MYLK4: variants seen among roughly 807,000 people sequenced by gnomAD.
MYLK4 encodes caMLCK like.
A neutral mutation model predicts 48.1 loss-of-function variants in MYLK4; 46 were observed. The ratio of observed to expected loss-of-function variants is 0.96; its 90% confidence interval spans 0.75 to 1.22. The LOEUF (loss-of-function observed/expected upper bound fraction) is 1.22, where lower values mean the gene tolerates loss of function less well. Among genes scored for constraint, MYLK4 ranks in the 50% most tolerant of loss-of-function variants. The pLI is 0.00. For missense variants in MYLK4, 451 were observed against 486.1 expected (o/e 0.93, Z 0.68); for synonymous variants, 170 against 180.8 (o/e 0.94, Z 0.48).
chr6:2,705,547 AAATAAG>A (rs1309706175), intron 2 of MYLK4, among the ~76,000 whole-genome samples: 1 of 152,196 alleles, frequency 6.6e-6, no homozygotes, highest in Non-Finnish European at 1.5e-5. Flanking sequence ...TTGCTGATTC[AAATAAG>A]AATAACAATC....
At chr6:2,671,381 A>G (rs763397094) in intron 11 of MYLK4, 33 bp from the exon 12 acceptor site, 1 of 1,602,294 alleles carries the variant, frequency 6.2e-7, no homozygotes, top group Admixed American at 1.7e-5. Context: ...GGGAAGGATT[A>G]GGACTGTTTC....
At chr6:2,741,411 G>T (rs896225481) in intron 2 of MYLK4, among the ~76,000 whole-genome samples, 1 of 152,108 alleles carries the variant, frequency 6.6e-6, no homozygotes, top group Non-Finnish European at 1.5e-5. Flanking sequence ...AACAGAAATG[G>T]CATAAAACTA....
chr6:2,690,411 G>A (rs1204289811), intron 3 of MYLK4, among the ~76,000 whole-genome samples: 2 of 152,170 alleles, frequency 1.3e-5, no homozygotes, highest in Admixed American at 6.5e-5. Context: ...AGGGATTCGT[G>A]GGGGTAGAAA....
At chr6:2,769,014 C>T in the MYLK4 span, 1 of 806,036 alleles carries the variant, frequency 1.2e-6, no homozygotes, top group Non-Finnish European at 1.8e-6. Flanking sequence ...AACCCATCTC[C>T]TTCAAGCCTA....
At chr6:2,688,810 C>G (rs1319989062) in intron 4 of MYLK4, 41 bp downstream of exon 4, 1 of 1,532,118 alleles carries the variant, frequency 6.5e-7, no homozygotes, top group South Asian at 1.1e-5. Context: ...TGCACGCTCT[C>G]TTCTTTTGTT....
intron 2 of MYLK4, among the ~76,000 whole-genome samples, chr6:2,717,257 C>G (rs1017856183): frequency 6.6e-5 from 10 of 152,240 alleles, no homozygotes; most frequent in African/African-American, 2.4e-4. Flanking sequence ...TTCAGACTCA[C>G]TTGTTAAATT....
chr6:2,768,921 A>G, the MYLK4 span: 5 of 1,562,568 alleles, frequency 3.2e-6, no homozygotes, highest in Non-Finnish European at 4.3e-6. Context: ...CGTTGTGAAC[A>G]TCAAACAATA....
chr6:2,696,586 C>T lies in MYLK4; in HGVS notation c.160-3727G>A, dbSNP rs544317832. Among the ~76,000 whole-genome samples, 17 of 152,310 alleles carry T rather than the reference C, an allele frequency of 1.1e-4. No homozygotes were observed. In the Middle Eastern group the frequency reaches 0.014, roughly 122 times the overall value. ...CAGCCTGATTTGGGACTTCTCAGCCCCCAGAACTGTGAGAAATAAATGTTT... is the reference window on the plus strand; with the variant it reads ...CAGCCTGATTTGGGACTTCTCAGCCTCCAGAACTGTGAGAAATAAATGTTT... On this transcript the variant is annotated intron_variant, in intron 2 of 12. Coordinates refer to ENST00000274643, the MANE Select transcript of MYLK4 (RefSeq NM_001012418.5).
Position 2,685,839 on chromosome 6 carries a change from G to A in MYLK4, c.342-263C>T, listed in dbSNP as rs1159313422. Among the ~76,000 whole-genome samples the A allele has an allele frequency of 6.6e-6, 1 of 152,258 alleles. No individual in the cohort carries two copies. Among genetic ancestry groups the A allele is most frequent in the African/African-American group, 2.4e-5 (1 of 41,548 alleles). ...TAATCCCAGCACTTTGGGAGGCCGA[G>A]GCGGGAGGATCACGAGGTCAGGACC... On this transcript the variant is annotated intron_variant, in intron 4 of 12. Transcript: ENST00000274643. The surrounding 1 kb of genome is among the most constrained non-coding windows in gnomAD (Gnocchi z 4.5).
At chr6:2,764,116 T>G in the MYLK4 span, among the ~76,000 whole-genome samples, 1 of 150,666 alleles carries the variant, frequency 6.6e-6, no homozygotes, top group Non-Finnish European at 1.5e-5. Context: ...TGGACAAGAG[T>G]GAAACTGCGT....
rs1253107065 is a variant in MYLK4 at position 2,665,718 on chromosome 6, C to G, written c.*2207G>C. ...TGCTTGATTTGGTAGAGAATGCACA[C>G]CACAGGACAGAAAACGCCCTGCCAC... On this transcript the variant is annotated 3_prime_UTR_variant, in exon 13 of 13. Transcript: ENST00000274643. 1.3e-5 allele frequency: 2 copies of G among 152,182 alleles called. No individual in the cohort carries two copies. The highest frequency in any genetic ancestry group is 2.4e-5 in the African/African-American group (1 of 41,442). 9.4% of individuals were successfully genotyped at this position (152,182 alleles called of 1,614,324 possible).
In MYLK4 at chr6:2,679,265, A is replaced by C. The variant is rs1357881102; in HGVS notation, c.887+15T>G. The C allele has an allele frequency of 1.9e-6, 3 of 1,614,056 alleles. No homozygotes were observed. The highest frequency in any genetic ancestry group is 3.3e-5 in the Admixed American group (2 of 59,988). On this transcript the variant is annotated intron_variant, in intron 9 of 12. Transcript: ENST00000274643. Reference sequence around the variant, plus strand: ...GGAGTTGGAGAAGGGTCAGAGACAGAGGAGAGCTACTCACAGCATATAGGC... The same window carrying C: ...GGAGTTGGAGAAGGGTCAGAGACAGCGGAGAGCTACTCACAGCATATAGGC...
At chr6:2,760,704 A>G in the MYLK4 span, among the ~76,000 whole-genome samples, 1 of 152,224 alleles carries the variant, frequency 6.6e-6, no homozygotes, top group East Asian at 1.9e-4. Flanking sequence ...GAGTTCACAA[A>G]AAGGCCAAGT....
rs143203772 is a variant in MYLK4 at position 2,736,615 on chromosome 6, G to A, written c.159+12521C>T. On this transcript the variant is annotated intron_variant, in intron 2 of 12. Coordinates refer to ENST00000274643, the MANE Select transcript of MYLK4 (RefSeq NM_001012418.5). Reference sequence around the variant, plus strand: ...TAAGTCATTATGTTATGGTGAACTAGCTTCAGAGCTAGACTGTATGCCTGG... The same window carrying A: ...TAAGTCATTATGTTATGGTGAACTAACTTCAGAGCTAGACTGTATGCCTGG... Among the ~76,000 whole-genome samples the A allele has an allele frequency of 1.6e-3, 240 of 152,348 alleles. 1 individual carries two copies. The highest frequency in any genetic ancestry group is 5.7e-3 in the African/African-American group (235 of 41,582).
chr6:2,699,720 T>C (rs983280396), intron 2 of MYLK4, among the ~76,000 whole-genome samples: 1 of 152,204 alleles, frequency 6.6e-6, no homozygotes, highest in Admixed American at 6.5e-5. Context: ...CTTCCAAGTT[T>C]TCTTATCCTG....
intron 2 of MYLK4, among the ~76,000 whole-genome samples, chr6:2,745,104 T>TG (rs1764033205): frequency 1.3e-5 from 2 of 151,876 alleles, no homozygotes; most frequent in South Asian, 2.1e-4. Context: ...GGAGCAGGGA[T>TG]GGGGGTGGTA....
intron 2 of MYLK4, among the ~76,000 whole-genome samples, chr6:2,707,042 G>T (rs1357944490): frequency 6.6e-6 from 1 of 152,164 alleles, no homozygotes. Flanking sequence ...TGCACATAAA[G>T]GTAGCAACCT....
chr6:2,699,799 G>A (rs780905735), intron 2 of MYLK4, among the ~76,000 whole-genome samples: 1 of 152,164 alleles, frequency 6.6e-6, no homozygotes, highest in African/African-American at 2.4e-5. Flanking sequence ...CAGCGCTTGA[G>A]CCTGGTGGTA....
At chr6:2,680,595 ATG>A in intron 7 of MYLK4, 3 of 984,980 alleles carry the variant, frequency 3.0e-6, no homozygotes, top group Non-Finnish European at 3.6e-6. Context: ...TCCTTCCCAA[ATG>A]TGCTGTGGAG....
Sources: gnomAD v4.1 joint callset for allele counts (sites outside exome capture counted in the v4.1 genomes callset) on GRCh38, gnomAD v4.1.1 for gene constraint, Gnocchi (gnomAD v3.1) non-coding constraint, MANE v1.5 for transcripts, NCBI Gene and HGNC (gene_info 2026-07-23, HGNC 2026-07-21) for gene names.